The following TCF12 variants were observed in gnomAD, a reference collection of about 807,000 sequenced individuals.
The protein encoded by TCF12 is transcription factor 12, also known as DNA-binding protein HTF4.
In TCF12, 45 loss-of-function variants were observed where a neutral mutation model predicts 86.0. That is an observed-to-expected ratio of 0.52 (90% CI 0.41 to 0.67). TCF12 has a LOEUF of 0.67. TCF12 is among the 30% of genes least tolerant of loss of function. The pLI, the probability that TCF12 is intolerant of heterozygous loss-of-function variation, is 0.00. For missense variants in TCF12, 881 were observed against 859.9 expected, an observed-to-expected ratio of 1.02 and a Z score of -0.31; for synonymous variants, 330 against 299.6, an observed-to-expected ratio of 1.10 and a Z score of -1.05.
chr15:57,136,459 T>C (rs1435280479), intron 5 of TCF12, among the ~76,000 whole-genome samples: 1 of 152,160 alleles, frequency 6.6e-6, no homozygotes, highest in Non-Finnish European at 1.5e-5. Context: ...AAAACAATAA[T>C]TCCCATGATT....
chr15:57,025,724 A>G (rs1271273010), intron 3 of TCF12, among the ~76,000 whole-genome samples: 2 of 152,224 alleles, frequency 1.3e-5, no homozygotes, highest in African/African-American at 2.4e-5. Flanking sequence ...ATTCATGTAC[A>G]TCAGTTTACA....
At chr15:57,063,400 G>T (rs543983570) in intron 3 of TCF12, among the ~76,000 whole-genome samples, 1 of 152,248 alleles carries the variant, frequency 6.6e-6, no homozygotes, top group Non-Finnish European at 1.5e-5. Flanking sequence ...ATGTTTTCAT[G>T]TAGGCAGTAC....
At chr15:57,101,679 C>G (rs2049766183) in intron 5 of TCF12, among the ~76,000 whole-genome samples, 1 of 152,154 alleles carries the variant, frequency 6.6e-6, no homozygotes, top group South Asian at 2.1e-4. Flanking sequence ...AAAAATGTTT[C>G]TTTGGGTATT....
intron 8 of TCF12, among the ~76,000 whole-genome samples, chr15:57,221,383 GGTGTGTGTGTGTGT>G (rs144351636): frequency 6.7e-6 from 1 of 148,638 alleles, no homozygotes; most frequent in Admixed American, 6.7e-5. Context: ...ATGTGTGTGG[GGTGTGTGTGTGTGT>G]GTGTGTGTGT....
chr15:56,936,289 T>C (rs1020382521), intron 3 of TCF12, among the ~76,000 whole-genome samples: 29 of 152,148 alleles, frequency 1.9e-4, no homozygotes, highest in Non-Finnish European at 4.3e-4. Context: ...CTTTTGAGAA[T>C]TGTCTATTCA....
intron 8 of TCF12, among the ~76,000 whole-genome samples, chr15:57,203,781 G>A (rs2057673503): frequency 6.6e-6 from 1 of 152,180 alleles, no homozygotes; most frequent in Non-Finnish European, 1.5e-5. Flanking sequence ...CACGGTGGCT[G>A]TAGTCCCAAG....
intron 3 of TCF12, among the ~76,000 whole-genome samples, chr15:56,988,879 C>A (rs2063316434): frequency 6.6e-6 from 1 of 151,990 alleles, no homozygotes; most frequent in Non-Finnish European, 1.5e-5. Context: ...ATGGTGAATA[C>A]CACAGTGTTA....
intron 5 of TCF12, among the ~76,000 whole-genome samples, chr15:57,156,700 C>A (rs1385128277): frequency 1.3e-5 from 2 of 152,174 alleles, no homozygotes; most frequent in Non-Finnish European, 2.9e-5. Context: ...GAATTCCAGA[C>A]CAGTGTTCTC....
intron 3 of TCF12, among the ~76,000 whole-genome samples, chr15:56,970,813 C>T (rs2062271378): frequency 6.6e-6 from 1 of 150,678 alleles, no homozygotes; most frequent in East Asian, 2.0e-4. Flanking sequence ...GCTTTGGGAA[C>T]CTGAGGCAGA....
intron 3 of TCF12, among the ~76,000 whole-genome samples, chr15:57,038,572 G>A (rs1317765731): frequency 6.6e-6 from 1 of 152,068 alleles, no homozygotes; most frequent in African/African-American, 2.4e-5. Context: ...TCACCAGCCT[G>A]AAAATACGCT....
At position 57,144,661 on chromosome 15, in the gene TCF12, C is replaced by G. The variant is rs114205550; in HGVS notation, c.326-21741C>G. On this transcript the variant is annotated intron_variant, in intron 5 of 20. Transcript: ENST00000333725. ...TAATCCAGGCTGGAGTGTGGTGGCA[C>G]GAGCTCAGCTCACTGCAACCTCCGC... 9.3e-3 allele frequency among the ~76,000 whole-genome samples: 1,409 copies of G among 152,276 alleles called. 26 individuals are homozygous for G. Among genetic ancestry groups the G allele is most frequent in the African/African-American group, 0.032 (1,329 of 41,546 alleles).
At chr15:56,967,293 T>G (rs1329262487) in intron 3 of TCF12, among the ~76,000 whole-genome samples, 1 of 151,636 alleles carries the variant, frequency 6.6e-6, no homozygotes, top group Non-Finnish European at 1.5e-5. Flanking sequence ...GTAATTTTTC[T>G]GTAAATACAA....
intron 6 of TCF12, among the ~76,000 whole-genome samples, chr15:57,190,151 G>C (rs916648638): frequency 3.9e-5 from 6 of 152,188 alleles, no homozygotes; most frequent in African/African-American, 1.2e-4. Context: ...CTGAAACCTA[G>C]AGAGGTGATG....
At chr15:57,109,428 TA>T (rs1318135311) in intron 5 of TCF12, 8 of 152,240 alleles carry the variant, frequency 5.3e-5, no homozygotes, top group African/African-American at 1.7e-4. Flanking sequence ...TGATAATACT[TA>T]ATATTGTAAA....
At chr15:57,223,581 A>G (rs1288041525) in intron 8 of TCF12, among the ~76,000 whole-genome samples, 1 of 149,444 alleles carries the variant, frequency 6.7e-6, no homozygotes, top group Non-Finnish European at 1.5e-5. Context: ...CTCCTCTTCT[A>G]ATAGAATTAA....
chr15:57,162,263 C>T (rs972901685), intron 5 of TCF12, among the ~76,000 whole-genome samples: 17 of 151,254 alleles, frequency 1.1e-4, no homozygotes, highest in Non-Finnish European at 1.2e-4. Flanking sequence ...TGGTAGAAAC[C>T]CTTAATACAG....
intron 4 of TCF12, among the ~76,000 whole-genome samples, chr15:57,069,763 C>T (rs1325010973): frequency 1.3e-5 from 2 of 152,030 alleles, no homozygotes; most frequent in Admixed American, 6.6e-5. Context: ...AAGAACTTTA[C>T]GTTTTCTGCC....
At chr15:57,206,665 G>A (rs1257853443) in intron 8 of TCF12, among the ~76,000 whole-genome samples, 7 of 132,468 alleles carry the variant, frequency 5.3e-5, no homozygotes, top group African/African-American at 2.0e-4. Flanking sequence ...TCAGCTCACT[G>A]CATCCTCCAC....
chr15:57,167,167 T>C (rs2054960354), intron 6 of TCF12, among the ~76,000 whole-genome samples: 1 of 152,254 alleles, frequency 6.6e-6, no homozygotes, highest in African/African-American at 2.4e-5. Flanking sequence ...TTAACTGCCA[T>C]GCTAATAATA....
Sources: gnomAD v4.1 joint callset for allele counts (sites outside exome capture counted in the v4.1 genomes callset) on GRCh38, gnomAD v4.1.1 for gene constraint, MANE v1.5 for transcripts, NCBI Gene and HGNC (gene_info 2026-07-23, HGNC 2026-07-21) for gene names.